The following DIAPH2 variants were observed in gnomAD, a reference collection of about 807,000 sequenced individuals.
DIAPH2 encodes diaphanous related formin 2.
Under a neutral mutation model 92.7 loss-of-function variants are expected in DIAPH2, and 35 were observed. The observed-to-expected ratio is 0.38, with a 90% confidence interval of 0.29 to 0.50. DIAPH2 has a LOEUF of 0.50. DIAPH2 is among the 20% of genes least tolerant of loss of function. The pLI, the probability that DIAPH2 is intolerant of heterozygous loss-of-function variation, is 0.94. For synonymous variants in DIAPH2, 301 were observed against 280.4 expected (o/e 1.07, Z -0.73); for missense variants, 701 against 819.5 (o/e 0.86, Z 1.77).
chrX:96,985,937 G>C (rs1444671903), intron 17 of DIAPH2, among the ~76,000 whole-genome samples: 1 of 110,811 alleles, frequency 9.0e-6, no homozygotes, highest in East Asian at 2.8e-4. Context: ...ATGACAGCAT[G>C]CTTCTTTGAC....
chrX:97,201,668 G>T (rs1271197922), intron 22 of DIAPH2, among the ~76,000 whole-genome samples: 2 of 110,296 alleles, frequency 1.8e-5, no homozygotes, highest in Non-Finnish European at 3.8e-5. Flanking sequence ...GTGGCATTAT[G>T]TGAAAAGACC....
intron 4 of DIAPH2, among the ~76,000 whole-genome samples, chrX:96,765,222 G>T: frequency 1.1e-5 from 1 of 92,309 alleles, no homozygotes; most frequent in African/African-American, 4.2e-5. Flanking sequence ...TTTTGAGAAA[G>T]GGTCTCACTC....
At chrX:97,370,765 T>A (rs768027940) in intron 24 of DIAPH2, among the ~76,000 whole-genome samples, 1 of 111,833 alleles carries the variant, frequency 8.9e-6, no homozygotes, top group Admixed American at 9.6e-5. Flanking sequence ...ATGATCAAAC[T>A]GAGTAACAAA....
chrX:97,504,132 A>T (rs2070817218), intron 26 of DIAPH2, among the ~76,000 whole-genome samples: 1 of 112,204 alleles, frequency 8.9e-6, no homozygotes, highest in Non-Finnish European at 1.9e-5. Flanking sequence ...TTTAATATTC[A>T]AAATCTTGGA....
At chrX:96,961,114 G>A (rs1371672429) in intron 16 of DIAPH2, among the ~76,000 whole-genome samples, 1 of 111,525 alleles carries the variant, frequency 9.0e-6, no homozygotes, top group Non-Finnish European at 1.9e-5. Context: ...GAGTTAGGAA[G>A]AATTTCCTGC....
At chrX:96,859,932 T>C (rs1307852311) in intron 4 of DIAPH2, among the ~76,000 whole-genome samples, 2 of 111,860 alleles carry the variant, frequency 1.8e-5, no homozygotes, top group Non-Finnish European at 3.8e-5. Context: ...TGAGCCACCA[T>C]GCCCGCCCTA....
chrX:97,330,662 G>A (rs894657767), intron 23 of DIAPH2, among the ~76,000 whole-genome samples: 7 of 109,441 alleles, frequency 6.4e-5, no homozygotes, highest in Non-Finnish European at 1.3e-4. Flanking sequence ...ACAGGCGCCC[G>A]CCACCACGCC....
chrX:97,129,089 A>ATCTTTTCTTTTCTTT (rs771560890), intron 21 of DIAPH2, among the ~76,000 whole-genome samples: 3,348 of 64,341 alleles, frequency 0.052, 243 homozygotes, highest in East Asian at 0.068. Context: ...TGTCTATACC[A>ATCTTTTCTTTTCTTT]TCTTTTCTTT....
intron 25 of DIAPH2, among the ~76,000 whole-genome samples, chrX:97,426,612 C>G (rs1170063950): frequency 9.0e-6 from 1 of 110,885 alleles, no homozygotes; most frequent in Non-Finnish European, 1.9e-5. Context: ...CCTTTTGTCT[C>G]ACCATCCTCT....
intron 23 of DIAPH2, among the ~76,000 whole-genome samples, chrX:97,271,702 C>A (rs1363433301): frequency 5.5e-5 from 6 of 109,342 alleles, no homozygotes; most frequent in Non-Finnish European, 1.1e-4. Context: ...TTCAGTTGGC[C>A]TTGGTGTAGA....
chrX:97,223,227 T>G (rs899480261), intron 22 of DIAPH2, among the ~76,000 whole-genome samples: 4 of 111,769 alleles, frequency 3.6e-5, no homozygotes, highest in African/African-American at 1.3e-4. Flanking sequence ...TTATTTTAAA[T>G]GAAGAAATTT....
intron 17 of DIAPH2, among the ~76,000 whole-genome samples, chrX:97,042,436 T>G (rs2066454327): frequency 8.9e-6 from 1 of 111,841 alleles, no homozygotes; most frequent in South Asian, 3.7e-4. Context: ...TGTCATAAAA[T>G]AAAATCCAGA....
chrX:97,258,542 T>C (rs1226380492), intron 23 of DIAPH2, among the ~76,000 whole-genome samples: 159 of 86,387 alleles, frequency 1.8e-3, no homozygotes, highest in Middle Eastern at 9.3e-3. Flanking sequence ...CACTGCACTC[T>C]AGCCTGGGAG....
At chrX:97,011,806 C>T (rs1005439514) in intron 17 of DIAPH2, among the ~76,000 whole-genome samples, 1 of 99,109 alleles carries the variant, frequency 1.0e-5, no homozygotes, top group African/African-American at 3.8e-5. Flanking sequence ...GCACGAGAAT[C>T]GCTGGACCCT....
At chrX:97,547,946 A>C (rs887960655) in intron 26 of DIAPH2, among the ~76,000 whole-genome samples, 1 of 111,626 alleles carries the variant, frequency 9.0e-6, no homozygotes, top group Non-Finnish European at 1.9e-5. Context: ...CTATTTAAGA[A>C]ACTCATTTAT....
At chrX:96,991,447 T>G (rs1173629089) in intron 17 of DIAPH2, among the ~76,000 whole-genome samples, 1 of 107,503 alleles carries the variant, frequency 9.3e-6, no homozygotes, top group Non-Finnish European at 1.9e-5. Flanking sequence ...CTGAGGAAAA[T>G]AAGGCAAAGA....
At chrX:97,339,962 C>T (rs893700763) in intron 23 of DIAPH2, among the ~76,000 whole-genome samples, 1 of 111,749 alleles carries the variant, frequency 8.9e-6, no homozygotes, top group African/African-American at 3.3e-5. Context: ...CTTGGAAGGT[C>T]CATTGTTTTC....
intron 5 of DIAPH2, chrX:96,883,940 G>A (rs892603287): frequency 2.1e-5 from 3 of 142,659 alleles, no homozygotes; most frequent in African/African-American, 9.4e-5. Context: ...GAGATGTTGG[G>A]AAAGGCTTGC....
chrX:97,316,300 T>C (rs775878527), intron 23 of DIAPH2, among the ~76,000 whole-genome samples: 1 of 110,776 alleles, frequency 9.0e-6, no homozygotes, highest in East Asian at 2.8e-4. Flanking sequence ...CTCTGTTCTT[T>C]CTCTTCTCAC....
Sources: allele counts gnomAD v4.1 joint callset (sites outside exome capture counted in the v4.1 genomes callset), GRCh38; gene constraint gnomAD v4.1.1; transcripts MANE v1.5; gene names NCBI Gene and HGNC (gene_info 2026-07-23, HGNC 2026-07-21).